Variants in ACACA observed in about 807,000 individuals in gnomAD.
ACACA encodes acetyl-CoA carboxylase alpha.
A neutral mutation model predicts 296.1 loss-of-function variants in ACACA; 103 were observed. That is an observed-to-expected ratio of 0.35 (90% CI 0.30 to 0.41). The LOEUF (loss-of-function observed/expected upper bound fraction) is 0.41, where lower values mean the gene tolerates loss of function less well. Ranked by LOEUF, ACACA falls within the 10% of genes least tolerant of loss-of-function variation. The pLI is 1.00. For synonymous variants in ACACA, 953 were observed against 1,038.6 expected (o/e 0.92, Z 1.58); for missense variants, 1,554 against 2,989.7 (o/e 0.52, Z 11.20).
intron 1 of ACACA, among the ~76,000 whole-genome samples, chr17:37,362,028 G>A (rs1244496196): frequency 6.6e-6 from 1 of 152,164 alleles, no homozygotes; most frequent in Non-Finnish European, 1.5e-5. Flanking sequence ...ATAAGGGTGG[G>A]CCCTAATCCA....
At chr17:37,155,630 A>T in intron 43 of ACACA, 53 bp downstream of exon 43, 1 of 1,204,640 alleles carries the variant, frequency 8.3e-7, no homozygotes, top group East Asian at 2.3e-5. Flanking sequence ...AAAAAATACC[A>T]TATTCTCCTT....
At chr17:37,121,995 A>G (rs1237519260) in intron 49 of ACACA, among the ~76,000 whole-genome samples, 1 of 152,126 alleles carries the variant, frequency 6.6e-6, no homozygotes, top group East Asian at 1.9e-4. Flanking sequence ...TAAAAAAATA[A>G]TGGCACCAGG....
chr17:37,394,595 G>A (rs11657433), intron 1 of ACACA, among the ~76,000 whole-genome samples: 18,400 of 151,158 alleles, frequency 0.12, 1,295 homozygotes, highest in East Asian at 0.25. Flanking sequence ...GTGCATTCTC[G>A]GCCGGGCGCG....
chr17:37,142,002 GTT>G (rs11380975), intron 45 of ACACA, among the ~76,000 whole-genome samples: 1 of 139,794 alleles, frequency 7.2e-6, no homozygotes, highest in Non-Finnish European at 1.5e-5. Flanking sequence ...AGTTTTTTTT[GTT>G]TTTTTTTGTT....
Position 37,086,228 on chromosome 17 carries a change from T to G in ACACA, c.*1088A>C. The G allele has an allele frequency of 6.3e-6, 1 of 159,134 alleles. No individual in the cohort carries two copies. Among genetic ancestry groups the G allele is most frequent in the Non-Finnish European group, 1.4e-5 (1 of 72,900 alleles). The allele number at this position is 159,134 out of a possible 1,614,324, so 9.9% of individuals were successfully genotyped here. A position where few individuals can be genotyped will look rare whatever the true frequency, so the allele number is the denominator to read the frequency against. On this transcript the variant is annotated 3_prime_UTR_variant, in exon 56 of 56. Coordinates refer to ENST00000616317, the MANE Select transcript of ACACA (RefSeq NM_198834.3). ...CAGAGCTGTGGGGAGACCTGCTGCC[T>G]GTCTACACTCTGGGGAAGAGAGTAG...
chr17:37,330,809 G>A (rs1368184940), intron 2 of ACACA, among the ~76,000 whole-genome samples: 2 of 152,124 alleles, frequency 1.3e-5, no homozygotes. Flanking sequence ...GGGAATAAAT[G>A]GTAAGGGTCT....
chr17:37,309,823 G>A (rs537183813), intron 3 of ACACA, among the ~76,000 whole-genome samples: 27 of 152,014 alleles, frequency 1.8e-4, no homozygotes, highest in Admixed American at 8.5e-4. Context: ...AGGTGAAGGC[G>A]AGAGGATCAC....
chr17:37,404,708 G>A (rs530052403), intron 1 of ACACA, among the ~76,000 whole-genome samples: 1 of 151,648 alleles, frequency 6.6e-6, no homozygotes, highest in South Asian at 2.1e-4. Context: ...CCGAGTAGCT[G>A]GGATTACAGG....
chr17:37,274,610 CA>C, intron 8 of ACACA: 2 of 984,474 alleles, frequency 2.0e-6, no homozygotes, highest in Non-Finnish European at 2.4e-6. Flanking sequence ...AGCAACTCAG[CA>C]GGCAAAATAC....
intron 14 of ACACA, among the ~76,000 whole-genome samples, chr17:37,256,420 A>G (rs574708668): frequency 1.3e-5 from 2 of 152,350 alleles, no homozygotes; most frequent in Admixed American, 1.3e-4. Flanking sequence ...AGAAATAATG[A>G]GATTTCCCTA....
chr17:37,337,232 G>C (rs188791284), intron 2 of ACACA, among the ~76,000 whole-genome samples: 1 of 152,140 alleles, frequency 6.6e-6, no homozygotes, highest in African/African-American at 2.4e-5. Flanking sequence ...GGGCACTATA[G>C]TGAGATCCCA....
rs934668446 is a variant in ACACA at position 37,406,766 on chromosome 17, AAAGGCC to A, written c.-473_-468del. 8.9e-4 allele frequency: 143 copies of A among 161,328 alleles called. No individual in the cohort carries two copies. Among genetic ancestry groups the A allele is most frequent in the African/African-American group, 3.2e-3 (133 of 41,632 alleles). 10.0% of individuals were successfully genotyped at this position (161,328 alleles called of 1,614,324 possible). On this transcript the variant is annotated 5_prime_UTR_variant, in exon 1 of 56. Coordinates refer to ENST00000616317, the MANE Select transcript of ACACA (RefSeq NM_198834.3). ...AGCAGGCGCGCGGCGGGGACCGGGA[AAAGGCC>A]AAGAGGGCGGTGGCGGGCGCTCAGC...
intron 3 of ACACA, among the ~76,000 whole-genome samples, chr17:37,298,969 A>G (rs2083483989): frequency 6.6e-6 from 1 of 152,204 alleles, no homozygotes; most frequent in Non-Finnish European, 1.5e-5. Context: ...CAGGGAGTAA[A>G]TCTGATACAT....
intron 41 of ACACA, among the ~76,000 whole-genome samples, chr17:37,169,556 C>G (rs1350293443): frequency 1.3e-5 from 2 of 152,090 alleles, no homozygotes; most frequent in Non-Finnish European, 2.9e-5. Flanking sequence ...AATTAGTACA[C>G]TGTTAAGTTT....
intron 1 of ACACA, among the ~76,000 whole-genome samples, chr17:37,389,722 T>A (rs186216882): frequency 6.7e-6 from 1 of 149,892 alleles, no homozygotes; most frequent in East Asian, 2.0e-4. Context: ...AAACAGAAAA[T>A]GGGGTTAATA....
intron 2 of ACACA, among the ~76,000 whole-genome samples, chr17:37,333,875 A>G (rs542892888): frequency 6.6e-6 from 1 of 151,258 alleles, no homozygotes; most frequent in African/African-American, 2.4e-5. Flanking sequence ...TTGGGTAGAT[A>G]CTTTCACTGG....
intron 2 of ACACA, among the ~76,000 whole-genome samples, chr17:37,335,136 T>C (rs899466934): frequency 6.6e-6 from 1 of 152,040 alleles, no homozygotes; most frequent in Non-Finnish European, 1.5e-5. Flanking sequence ...CAAAACTACA[T>C]GAAACCCTCC....
In ACACA at chr17:37,181,267, T is replaced by G; in HGVS notation, c.4866A>C (p.Ser1622=). 3 of 1,614,048 alleles carry G rather than the reference T, an allele frequency of 1.9e-6. No individual in the cohort carries two copies. The highest frequency in any genetic ancestry group is 2.5e-6 in the Non-Finnish European group (3 of 1,179,958). ...CTAAGGATTGTGCCTGGAACCTCTT[T>G]GATTGCAGCAGGTCTTTGGTCACAT... The part of the protein sequence containing the change: ...TPYVTKDLLQ[S]KRFQAQSLGT... Residue 1622 remains serine (S), a synonymous_variant, in exon 40 of 56, where the codon TCA becomes TCC. Coordinates refer to ENST00000616317, the MANE Select transcript of ACACA (RefSeq NM_198834.3).
In ACACA at chr17:37,226,340, T is replaced by C; in HGVS notation, c.3359A>G (p.Gln1120Arg). Residue 1120 changes from glutamine to arginine, a missense_variant and splice_region_variant, in exon 26 of 56, where the codon CAG (glutamine) becomes CGG (arginine). Gln to Arg is a conservative substitution (Grantham distance 43). This residue lies in a region of ACACA where 42 missense variants were observed against 147.5 expected (regional missense o/e 0.28). Transcript: ENST00000616317. ...AAGAAAACCAACAAATGTCCTTACC[T>C]GGCGTGCTCGAAGTGCTACTTTGGC... The part of the protein sequence containing the change: ...TNAKVALRAR[Q>R]VLIASHLPSY... 6.2e-7 allele frequency: 1 copy of C among 1,612,142 alleles called. No homozygotes were observed. The highest frequency in any genetic ancestry group is 2.2e-5 in the East Asian group (1 of 44,874).
Sources: gnomAD v4.1 joint callset for allele counts (sites outside exome capture counted in the v4.1 genomes callset) on GRCh38, gnomAD v4.1.1 for gene constraint, gnomAD v4.1.1 regional missense constraint, MANE v1.5 for transcripts, NCBI Gene and HGNC (gene_info 2026-07-23, HGNC 2026-07-21) for gene names.